The following HHAT variants were observed in gnomAD, a reference collection of about 807,000 sequenced individuals.
HHAT encodes the protein hedgehog acyltransferase.
In HHAT, 47 loss-of-function variants were observed where a neutral mutation model predicts 70.8. That is an observed-to-expected ratio of 0.66 (90% confidence interval 0.53 to 0.85). The LOEUF is 0.85. HHAT is among the 40% of genes least tolerant of loss of function. HHAT has a pLI of 0.00. For synonymous variants in HHAT, 228 were observed against 247.6 expected (o/e 0.92, Z 0.74); for missense variants, 609 against 604.8 (o/e 1.01, Z -0.07).
intron 11 of HHAT, among the ~76,000 whole-genome samples, chr1:210,671,896 G>T (rs1399403696): frequency 6.6e-6 from 1 of 152,222 alleles, no homozygotes; most frequent in African/African-American, 2.4e-5. Context: ...CTTGCCTGCA[G>T]GGCCTGGGAG....
At chr1:210,545,110 A>C (rs1015959427) in intron 9 of HHAT, among the ~76,000 whole-genome samples, 5 of 152,140 alleles carry the variant, frequency 3.3e-5, no homozygotes, top group Admixed American at 2.6e-4. Flanking sequence ...ATTCTGATCA[A>C]GGTACCCTTT....
chr1:210,611,816 T>G (rs115822768), intron 10 of HHAT, among the ~76,000 whole-genome samples: 1 of 152,184 alleles, frequency 6.6e-6, no homozygotes, highest in Non-Finnish European at 1.5e-5. Flanking sequence ...CTTTATTGAT[T>G]TGCGTATGTG....
chr1:210,520,084 C>T (rs1196011160), intron 9 of HHAT, among the ~76,000 whole-genome samples: 1 of 152,088 alleles, frequency 6.6e-6, no homozygotes, highest in Non-Finnish European at 1.5e-5. Flanking sequence ...GGCGTGATCT[C>T]AGCTCACTGT....
intron 6 of HHAT, among the ~76,000 whole-genome samples, chr1:210,414,861 T>C (rs560677119): frequency 4.5e-4 from 68 of 152,064 alleles, no homozygotes; most frequent in South Asian, 1.5e-3. Context: ...CTACTACAAA[T>C]ACAAAAAATA....
chr1:210,483,477 T>C (rs1034702116), intron 8 of HHAT, among the ~76,000 whole-genome samples: 1 of 152,164 alleles, frequency 6.6e-6, no homozygotes, highest in Admixed American at 6.6e-5. Flanking sequence ...GCCCTTGGTA[T>C]CTTGTCATTG....
intron 11 of HHAT, among the ~76,000 whole-genome samples, chr1:210,671,554 A>G (rs547460022): frequency 6.6e-6 from 1 of 152,290 alleles, no homozygotes; most frequent in African/African-American, 2.4e-5. Flanking sequence ...ATCCTCCTGG[A>G]TTTGGAGTAG....
At chr1:210,587,445 T>C (rs1660714758) in intron 9 of HHAT, among the ~76,000 whole-genome samples, 3 of 152,126 alleles carry the variant, frequency 2.0e-5, no homozygotes, top group Admixed American at 6.5e-5. Flanking sequence ...GCTGGGTCCC[T>C]CCCATGACAC....
intron 11 of HHAT, among the ~76,000 whole-genome samples, chr1:210,630,180 C>T (rs77677284): frequency 0.021 from 3,131 of 152,244 alleles, 67 homozygotes; most frequent in East Asian, 0.043. Context: ...TGTGATTCCA[C>T]TGGGCCTGCC....
chr1:210,625,042 C>T (rs1385896932), intron 11 of HHAT, among the ~76,000 whole-genome samples: 1 of 152,220 alleles, frequency 6.6e-6, no homozygotes, highest in Non-Finnish European at 1.5e-5. Context: ...TGGGCCTAAA[C>T]TGTGGCAGCC....
intron 11 of HHAT, among the ~76,000 whole-genome samples, chr1:210,653,285 G>A (rs1675575098): frequency 6.6e-6 from 1 of 152,196 alleles, no homozygotes; most frequent in Non-Finnish European, 1.5e-5. Flanking sequence ...GCTCACACCT[G>A]TAATCCCAGC....
intron 8 of HHAT, among the ~76,000 whole-genome samples, chr1:210,487,024 G>A (rs986769620): frequency 6.6e-6 from 1 of 152,182 alleles, no homozygotes; most frequent in East Asian, 1.9e-4. Flanking sequence ...TTCATTGTCT[G>A]TTCTTCATAC....
intron 9 of HHAT, among the ~76,000 whole-genome samples, chr1:210,518,002 A>G (rs980974658): frequency 2.0e-5 from 3 of 152,174 alleles, no homozygotes; most frequent in African/African-American, 7.2e-5. Flanking sequence ...ATGGGGTACA[A>G]TTTGACGTTT....
In HHAT at chr1:210,523,502, A is replaced by G. The variant is rs2095193649; in HGVS notation, c.1043+10314A>G. On this transcript the variant is annotated intron_variant, in intron 9 of 11. Coordinates refer to ENST00000261458, the MANE Select transcript of HHAT (RefSeq NM_018194.6). ...AGCTCTACTTCTGGGGATTGGGCTAAGTGGATTTGGGTAGAGTCCAGGAAT... is the reference window on the plus strand; with the variant it reads ...AGCTCTACTTCTGGGGATTGGGCTAGGTGGATTTGGGTAGAGTCCAGGAAT... 3.9e-5 allele frequency among the ~76,000 whole-genome samples: 6 copies of G among 152,094 alleles called. No homozygotes were observed. The South Asian group carries it at 1.2e-3, about 31-fold the overall frequency.
intron 9 of HHAT, among the ~76,000 whole-genome samples, chr1:210,526,226 G>A (rs1425109738): frequency 6.6e-6 from 1 of 152,158 alleles, no homozygotes; most frequent in Admixed American, 6.5e-5. Context: ...TGGCAGACAT[G>A]GTTGAGTCCC....
At chr1:210,647,239 C>T (rs533560669) in intron 11 of HHAT, among the ~76,000 whole-genome samples, 3 of 152,296 alleles carry the variant, frequency 2.0e-5, no homozygotes, top group African/African-American at 7.2e-5. Context: ...CTGATGAGGA[C>T]ACCAGTCTTA....
chr1:210,535,048 C>T (rs1221947556), intron 9 of HHAT, among the ~76,000 whole-genome samples: 1 of 152,102 alleles, frequency 6.6e-6, no homozygotes, highest in Non-Finnish European at 1.5e-5. Flanking sequence ...AACCAGGCTT[C>T]CTGACCAGCC....
intron 10 of HHAT, among the ~76,000 whole-genome samples, chr1:210,614,010 C>T (rs1248839756): frequency 1.8e-5 from 2 of 113,750 alleles, no homozygotes; most frequent in Non-Finnish European, 3.6e-5. Context: ...CAGAGTGAGA[C>T]CCTGCCTCAA....
intron 6 of HHAT, among the ~76,000 whole-genome samples, chr1:210,410,441 C>A (rs901742184): frequency 7.1e-6 from 1 of 141,012 alleles, no homozygotes; most frequent in African/African-American, 2.9e-5. Flanking sequence ...AGATGAAAAA[C>A]CTTTTGTTTT....
intron 4 of HHAT, among the ~76,000 whole-genome samples, chr1:210,389,146 A>G (rs1341544933): frequency 3.3e-5 from 5 of 152,030 alleles, no homozygotes; most frequent in Middle Eastern, 3.4e-3. Context: ...AAGAAAAGGA[A>G]TTTATACAGT....
Sources: gnomAD v4.1 joint callset for allele counts (sites outside exome capture counted in the v4.1 genomes callset) on GRCh38, gnomAD v4.1.1 for gene constraint, MANE v1.5 for transcripts, NCBI Gene and HGNC (gene_info 2026-07-23, HGNC 2026-07-21) for gene names.